CYP46A1: variants seen among roughly 807,000 people sequenced by gnomAD.
CYP46A1 encodes cholesterol 24-hydroxylase.
In CYP46A1, 20 loss-of-function variants were observed where a neutral mutation model predicts 63.3. The observed-to-expected ratio is 0.32, with a 90% CI of 0.22 to 0.46. The LOEUF is 0.46. CYP46A1 is among the 20% of genes least tolerant of loss of function. The probability of loss-of-function intolerance (pLI) is 1.00; values close to 1 mark genes in which losing one functional copy is unlikely to be tolerated. For synonymous variants in CYP46A1, 268 were observed against 273.6 expected, an observed-to-expected ratio of 0.98 and a Z score of 0.20; for missense variants, 445 against 670.8, an observed-to-expected ratio of 0.66 and a Z score of 3.72.
chr14:99,718,858 T>A (rs1171342212), intron 10 of CYP46A1, among the ~76,000 whole-genome samples: 1 of 152,036 alleles, frequency 6.6e-6, no homozygotes, highest in Non-Finnish European at 1.5e-5. Context: ...GTAATAAGCA[T>A]TTCGTATAAA....
At chr14:99,694,860 C>T (rs2056574136) in intron 3 of CYP46A1, among the ~76,000 whole-genome samples, 1 of 152,078 alleles carries the variant, frequency 6.6e-6, no homozygotes, top group Non-Finnish European at 1.5e-5. Context: ...TGTTCTTGTT[C>T]TGATTTTTAG....
chr14:99,685,691 C>T (rs555474588), intron 1 of CYP46A1, among the ~76,000 whole-genome samples: 4 of 152,118 alleles, frequency 2.6e-5, no homozygotes, highest in African/African-American at 9.6e-5. Flanking sequence ...CACCCATCTC[C>T]AGCACAAGCC....
chr14:99,707,743 C>T, intron 7 of CYP46A1, 65 bp downstream of exon 7: 4 of 1,414,486 alleles, frequency 2.8e-6, no homozygotes, highest in Non-Finnish European at 3.9e-6. Flanking sequence ...TGCTGAAGAA[C>T]CTCCTTCAGT....
At chr14:99,693,561 A>G (rs913933504) in intron 3 of CYP46A1, 9 of 152,062 alleles carry the variant, frequency 5.9e-5, no homozygotes, top group Admixed American at 1.3e-4. Context: ...TTTTGTTTCC[A>G]TATTTATTTG....
At chr14:99,694,619 T>C (rs2056572209) in intron 3 of CYP46A1, among the ~76,000 whole-genome samples, 1 of 151,856 alleles carries the variant, frequency 6.6e-6, no homozygotes, top group Non-Finnish European at 1.5e-5. Flanking sequence ...CCTGCCTCAG[T>C]CTCCCGACTA....
At chr14:99,700,750 A>G (rs1034033409) in intron 5 of CYP46A1, among the ~76,000 whole-genome samples, 1 of 152,224 alleles carries the variant, frequency 6.6e-6, no homozygotes, top group Non-Finnish European at 1.5e-5. Context: ...ATACTTTTAA[A>G]CATTCTTTTA....
rs368649611 is a variant in CYP46A1, at chr14:99,691,761, G to T, written c.201-19G>T. ...CCTCAGGTGGTTGACAGTTTCCTTC[G>T]GGTCACTTTGGTTTCCAGGGCTAAG... On this transcript the variant is annotated intron_variant, in intron 2 of 14. Transcript: ENST00000261835. 4.8e-5 allele frequency: 77 copies of T among 1,613,592 alleles called. No individual in the cohort carries two copies. Among genetic ancestry groups the T allele is most frequent in the Non-Finnish European group, 6.4e-5 (75 of 1,179,654 alleles).
At chr14:99,721,763 T>C (rs940164793) in intron 11 of CYP46A1, among the ~76,000 whole-genome samples, 193 bp from the exon 12 acceptor site, 1 of 152,040 alleles carries the variant, frequency 6.6e-6, no homozygotes, top group Non-Finnish European at 1.5e-5. Context: ...TCCCTTCTCC[T>C]TCTGGACCTC....
chr14:99,725,277 G>A lies in CYP46A1; in HGVS notation c.1177-114G>A, dbSNP rs981708124. 4.0e-6 allele frequency: 3 copies of A among 746,150 alleles called. No homozygotes were observed. Among genetic ancestry groups the A allele is most frequent in the Non-Finnish European group, 7.1e-6 (3 of 422,358 alleles). 46.2% of individuals were successfully genotyped at this position (746,150 alleles called of 1,614,324 possible). A position where few individuals can be genotyped will look rare whatever the true frequency, so the allele number is the denominator to read the frequency against. On this transcript the variant is annotated intron_variant, in intron 12 of 14. Coordinates refer to ENST00000261835, the MANE Select transcript of CYP46A1 (RefSeq NM_006668.2). This position sits in a 1 kb window ranked among gnomAD's most constrained non-coding sequence, Gnocchi z 4.2. ...TAGATGAGGGGTGAAGACATGGGGG[G>A]AGGAGAGTGGGACCCACTCTGCTCT...
At chr14:99,689,111 G>A (rs1402775152) in intron 1 of CYP46A1, among the ~76,000 whole-genome samples, 1 of 152,088 alleles carries the variant, frequency 6.6e-6, no homozygotes, top group African/African-American at 2.4e-5. Flanking sequence ...TCTCTGCTGT[G>A]GGCTCTCAAA....
chr14:99,691,964 G>C, intron 3 of CYP46A1, 103 bp downstream of exon 3: 1 of 1,189,870 alleles, frequency 8.4e-7, no homozygotes, highest in Non-Finnish European at 1.2e-6. Flanking sequence ...CCAGAGCCAG[G>C]CGCATTTCGG....
chr14:99,708,061 C>A, intron 7 of CYP46A1: 1 of 272,870 alleles, frequency 3.7e-6, no homozygotes, highest in Non-Finnish European at 7.1e-6. Context: ...CTGCCCGTGC[C>A]CACATGGGGC....
chr14:99,710,166 C>A (rs2056716742), intron 7 of CYP46A1: 1 of 152,022 alleles, frequency 6.6e-6, no homozygotes, highest in Non-Finnish European at 1.5e-5. Flanking sequence ...GGCAGATCAG[C>A]AAATGAGAAA....
chr14:99,691,199 G>A (rs1204725534), intron 2 of CYP46A1, 38 bp downstream of exon 2: 3 of 1,606,732 alleles, frequency 1.9e-6, no homozygotes, highest in Non-Finnish European at 1.7e-6. Flanking sequence ...CTTACTCCAG[G>A]TTCCCTTGGG....
chr14:99,689,474 C>T (rs1335831834), intron 1 of CYP46A1, among the ~76,000 whole-genome samples: 3 of 152,160 alleles, frequency 2.0e-5, no homozygotes, highest in Non-Finnish European at 4.4e-5. Flanking sequence ...GGGCTGAGGT[C>T]ATTGGTGGAG....
chr14:99,700,651 G>A (rs543987507), intron 5 of CYP46A1, among the ~76,000 whole-genome samples: 2 of 152,230 alleles, frequency 1.3e-5, no homozygotes, highest in Non-Finnish European at 2.9e-5. Flanking sequence ...TGCACTGCCA[G>A]TCATGCCAAA....
At position 99,719,391 on chromosome 14, in the gene CYP46A1, TG is replaced by T. The variant is rs201274346; in HGVS notation, c.980+1266del. 2.6e-3 allele frequency among the ~76,000 whole-genome samples: 391 copies of T among 148,244 alleles called. 3 individuals carry two copies. Among genetic ancestry groups the T allele is most frequent in the East Asian group, 0.018 (89 of 5,032 alleles). On this transcript the variant is annotated intron_variant, in intron 10 of 14. Coordinates refer to ENST00000261835, the MANE Select transcript of CYP46A1 (RefSeq NM_006668.2). Reference sequence around the variant, plus strand: ...CACACCTGGCTAATTTTTTTTTTTTTGTGTATTTTTAGTAGAGACGGGGTTT... The same window carrying T: ...CACACCTGGCTAATTTTTTTTTTTTTTGTATTTTTAGTAGAGACGGGGTTT...
chr14:99,719,378 A>ATTT (rs55679517), intron 10 of CYP46A1, among the ~76,000 whole-genome samples: 3 of 142,568 alleles, frequency 2.1e-5, no homozygotes, highest in African/African-American at 8.0e-5. Context: ...CACCTGGCTA[A>ATTT]TTTTTTTTTT....
At position 99,725,881 on chromosome 14, in the gene CYP46A1, CCAGG is replaced by C. The variant is rs2056891464; in HGVS notation, c.1266-307_1266-304del. Among the ~76,000 whole-genome samples the C allele has an allele frequency of 6.6e-6, 1 of 152,162 alleles. No homozygotes were observed. Among genetic ancestry groups the C allele is most frequent in the Non-Finnish European group, 1.5e-5 (1 of 68,026 alleles). On this transcript the variant is annotated intron_variant, in intron 13 of 14. Transcript: ENST00000261835. This position sits in a 1 kb window ranked among gnomAD's most constrained non-coding sequence, Gnocchi z 4.2. ...CCACAGCCTGCCTGAGTGTTCAGAT[CCAGG>C]CTCTGCCCAGAGCTGGATGTAAATT...
Sources: gnomAD v4.1 joint callset for allele counts (sites outside exome capture counted in the v4.1 genomes callset) on GRCh38, gnomAD v4.1.1 for gene constraint, Gnocchi (gnomAD v3.1) non-coding constraint, MANE v1.5 for transcripts, NCBI Gene and HGNC (gene_info 2026-07-23, HGNC 2026-07-21) for gene names.